RFX7: variants seen among roughly 807,000 people sequenced by gnomAD.
RFX7 encodes the protein regulatory factor X7, also known as DNA-binding protein RFX7.
A neutral mutation model predicts 111.8 loss-of-function variants in RFX7; 26 were observed. The ratio of observed to expected loss-of-function variants is 0.23; its 90% confidence interval spans 0.17 to 0.32. The LOEUF (loss-of-function observed/expected upper bound fraction) is 0.32, where lower values mean the gene tolerates loss of function less well. Ranked by LOEUF, RFX7 falls within the 10% of genes least tolerant of loss-of-function variation. RFX7 has a pLI of 1.00. For synonymous variants in RFX7, 624 were observed against 624.4 expected (o/e 1.00, Z 0.01); for missense variants, 1,573 against 1,772.9 (o/e 0.89, Z 2.02).
chr15:56,161,102 TG>T lies in RFX7; in HGVS notation c.196-16620del, dbSNP rs1164211756. On this transcript the variant is annotated intron_variant, in intron 3 of 9. Transcript: ENST00000559447. ...CTGCTCAAAGATAAGGAGTATGATC[TG>T]AGTCAATTTGAAAGACATCAGTACT... 2.0e-5 allele frequency among the ~76,000 whole-genome samples: 3 copies of T among 152,088 alleles called. No homozygotes were observed. In the East Asian group the frequency reaches 5.8e-4, roughly 29 times the overall value.
chr15:56,150,444 C>T (rs1162017479), intron 3 of RFX7, among the ~76,000 whole-genome samples: 2 of 152,132 alleles, frequency 1.3e-5, no homozygotes, highest in Admixed American at 1.3e-4. Context: ...TCCGCTGGGT[C>T]GCAGCTTCCA....
At chr15:56,165,091 C>G (rs1325272442) in intron 3 of RFX7, among the ~76,000 whole-genome samples, 6 of 152,148 alleles carry the variant, frequency 3.9e-5, no homozygotes, top group African/African-American at 1.4e-4. Flanking sequence ...CTAGATCCCT[C>G]ACATGCTCAG....
At chr15:56,117,284 A>G (rs1184502335) in intron 5 of RFX7, among the ~76,000 whole-genome samples, 4 of 152,158 alleles carry the variant, frequency 2.6e-5, no homozygotes, top group African/African-American at 4.8e-5. Flanking sequence ...TTAGAGAACA[A>G]GTAGATTTAC....
At chr15:56,152,812 C>A (rs1435489498) in intron 3 of RFX7, among the ~76,000 whole-genome samples, 1 of 149,878 alleles carries the variant, frequency 6.7e-6, no homozygotes, top group African/African-American at 2.5e-5. Flanking sequence ...AGACCACTAG[C>A]CAGACTAATA....
At chr15:56,218,466 C>T (rs2141210468) in intron 2 of RFX7, among the ~76,000 whole-genome samples, 1 of 152,184 alleles carries the variant, frequency 6.6e-6, no homozygotes, top group African/African-American at 2.4e-5. Flanking sequence ...AGAATGTATG[C>T]AGTTACATGC....
intron 3 of RFX7, among the ~76,000 whole-genome samples, chr15:56,172,832 T>C (rs2141113771): frequency 6.6e-6 from 1 of 152,298 alleles, no homozygotes; most frequent in East Asian, 1.9e-4. Context: ...ATATATTTTA[T>C]TGAATCCTTA....
chr15:56,228,808 T>G (rs2043515583), intron 2 of RFX7, among the ~76,000 whole-genome samples: 1 of 152,198 alleles, frequency 6.6e-6, no homozygotes, highest in Non-Finnish European at 1.5e-5. Flanking sequence ...CCCCAGTGGA[T>G]GCCTGAAACC....
intron 4 of RFX7, among the ~76,000 whole-genome samples, chr15:56,143,501 C>CT (rs1439304780): frequency 6.6e-6 from 1 of 152,030 alleles, no homozygotes; most frequent in Non-Finnish European, 1.5e-5. Flanking sequence ...GCCAGGCCCC[C>CT]TGCCTCAGCC....
At chr15:56,222,768 G>C (rs1417981799) in intron 2 of RFX7, among the ~76,000 whole-genome samples, 1 of 152,106 alleles carries the variant, frequency 6.6e-6, no homozygotes, top group East Asian at 1.9e-4. Context: ...ACATAAAATA[G>C]TTGGCTGCTA....
chr15:56,167,538 G>A (rs1208479471), intron 3 of RFX7, among the ~76,000 whole-genome samples: 1 of 152,068 alleles, frequency 6.6e-6, no homozygotes, highest in African/African-American at 2.4e-5. Context: ...CTTTACAAGT[G>A]TATTATGACA....
chr15:56,111,676 A>AC (rs1242870912), intron 5 of RFX7, among the ~76,000 whole-genome samples: 7 of 151,006 alleles, frequency 4.6e-5, no homozygotes, highest in Non-Finnish European at 1.0e-4. Flanking sequence ...AAAAAAAAAA[A>AC]AAAACCAAAA....
chr15:56,192,448 T>C (rs1595999734), intron 2 of RFX7: 1 of 214,422 alleles, frequency 4.7e-6, no homozygotes, highest in African/African-American at 2.3e-5. Flanking sequence ...GGGTTCTTTG[T>C]ATCTATTTCA....
chr15:56,145,810 C>CAA (rs1314411334), intron 3 of RFX7, among the ~76,000 whole-genome samples: 1 of 152,188 alleles, frequency 6.6e-6, no homozygotes, highest in African/African-American at 2.4e-5. Flanking sequence ...TCTAGGTCTT[C>CAA]AGCTGTCTTT....
At chr15:56,223,172 C>T (rs532093574) in intron 2 of RFX7, among the ~76,000 whole-genome samples, 1 of 152,234 alleles carries the variant, frequency 6.6e-6, no homozygotes, top group South Asian at 2.1e-4. Flanking sequence ...CTACAGGCCC[C>T]AACAGTTGTT....
chr15:56,142,703 A>G, intron 5 of RFX7, 75 bp downstream of exon 5: 2 of 1,368,436 alleles, frequency 1.5e-6, no homozygotes. Context: ...CCAATAATAA[A>G]ACAAATCACT....
intron 2 of RFX7, among the ~76,000 whole-genome samples, chr15:56,232,567 T>C (rs2043574925): frequency 6.6e-6 from 1 of 151,234 alleles, no homozygotes; most frequent in Non-Finnish European, 1.5e-5. Context: ...GCAGCAGGCT[T>C]GAACTTCTCC....
chr15:56,213,068 T>TGG (rs1183051384), intron 2 of RFX7, among the ~76,000 whole-genome samples: 1 of 152,220 alleles, frequency 6.6e-6, no homozygotes, highest in Non-Finnish European at 1.5e-5. Context: ...ACATTGTCTG[T>TGG]GGGAATGTAA....
At chr15:56,189,556 G>A (rs1214614097) in intron 2 of RFX7, among the ~76,000 whole-genome samples, 1 of 151,836 alleles carries the variant, frequency 6.6e-6, no homozygotes, top group African/African-American at 2.4e-5. Flanking sequence ...GTAAAGACAG[G>A]TAACTCAATT....
chr15:56,212,935 A>AT (rs1370977298), intron 2 of RFX7, among the ~76,000 whole-genome samples: 1 of 152,204 alleles, frequency 6.6e-6, no homozygotes, highest in African/African-American at 2.4e-5. Context: ...ATCATTAGCC[A>AT]TTAGGGAAAT....
Sources: allele counts gnomAD v4.1 joint callset (sites outside exome capture counted in the v4.1 genomes callset), GRCh38; gene constraint gnomAD v4.1.1; transcripts MANE v1.5; gene names NCBI Gene and HGNC (gene_info 2026-07-23, HGNC 2026-07-21).